The following NUDT3 variants were observed in gnomAD, a reference collection of about 807,000 sequenced individuals.
The protein encoded by NUDT3 is nudix hydrolase 3.
NUDT3 carries 9 observed loss-of-function variants against 23.6 expected under a neutral mutation model. The ratio of observed to expected loss-of-function variants is 0.38; its 90% CI spans 0.23 to 0.66. The LOEUF is 0.66. Ranked by LOEUF, NUDT3 falls within the 30% of genes least tolerant of loss-of-function variation. The pLI, the probability that NUDT3 is intolerant of heterozygous loss-of-function variation, is 0.52. For synonymous variants in NUDT3, 86 were observed against 82.6 expected (o/e 1.04, Z -0.22); for missense variants, 172 against 218.5 (o/e 0.79, Z 1.34).
At chr6:34,298,021 T>C (rs901271393) in intron 2 of NUDT3, among the ~76,000 whole-genome samples, 9 of 151,908 alleles carry the variant, frequency 5.9e-5, no homozygotes, top group African/African-American at 2.2e-4. Flanking sequence ...TCCAAACTTT[T>C]AGGGCACAAA....
chr6:34,334,157 G>A (rs1317779528), intron 2 of NUDT3, among the ~76,000 whole-genome samples: 1 of 152,234 alleles, frequency 6.6e-6, no homozygotes, highest in Non-Finnish European at 1.5e-5. Context: ...TGGCTGGGCA[G>A]TTGCTGTGAC....
intron 2 of NUDT3, among the ~76,000 whole-genome samples, chr6:34,304,405 AG>A (rs1561900996): frequency 8.8e-6 from 1 of 113,174 alleles, no homozygotes; most frequent in Non-Finnish European, 2.0e-5. Flanking sequence ...TATCGAAAGA[AG>A]GAAAGGAAAG....
Position 34,283,090 on chromosome 6 carries a change from C to T in NUDT3, c.*5663G>A, listed in dbSNP as rs971410891. 3 of 151,964 alleles carry T rather than the reference C, an allele frequency of 2.0e-5. No individual in the cohort carries two copies. The highest frequency in any genetic ancestry group is 4.4e-5 in the Non-Finnish European group (3 of 68,008). The allele number at this position is 151,964 out of a possible 1,614,324, so 9.4% of individuals were successfully genotyped here. ...TATAAACAAAGCTTCAGGGAAGAGA[C>T]ATAACCTTACTTCAAAAGCTTCAGG... On this transcript the variant is annotated 3_prime_UTR_variant, in exon 5 of 5. Transcript: ENST00000607016.
At position 34,326,952 on chromosome 6, in the gene NUDT3, G is replaced by C. The variant is rs113667558; in HGVS notation, c.210+14910C>G. On this transcript the variant is annotated intron_variant, in intron 2 of 4. Coordinates refer to ENST00000607016, the MANE Select transcript of NUDT3 (RefSeq NM_006703.4). ...CGTGTGTGGAGACGAGAGAGAGATCGTACGAAATAAAGACACAGGACAAAG... is the reference window on the plus strand; with the variant it reads ...CGTGTGTGGAGACGAGAGAGAGATCCTACGAAATAAAGACACAGGACAAAG... 8.8e-3 allele frequency among the ~76,000 whole-genome samples: 1,337 copies of C among 152,040 alleles called. 18 individuals are homozygous for C. Among genetic ancestry groups the C allele is most frequent in the African/African-American group, 0.027 (1,122 of 41,406 alleles).
chr6:34,303,670 T>C (rs1763633567), intron 2 of NUDT3, among the ~76,000 whole-genome samples: 1 of 152,232 alleles, frequency 6.6e-6, no homozygotes, highest in Non-Finnish European at 1.5e-5. Flanking sequence ...ATGCTGAATT[T>C]TAATAAATTT....
intron 1 of NUDT3, among the ~76,000 whole-genome samples, chr6:34,371,866 G>C (rs952227575): frequency 2.0e-5 from 3 of 152,062 alleles, no homozygotes; most frequent in African/African-American, 7.2e-5. Context: ...ATTTACATTA[G>C]GTATATCTCC....
At chr6:34,357,456 T>C (rs1192000529) in intron 1 of NUDT3, among the ~76,000 whole-genome samples, 1 of 151,742 alleles carries the variant, frequency 6.6e-6, no homozygotes, top group Non-Finnish European at 1.5e-5. Context: ...TTCTAAAAAC[T>C]AAAAAATTAG....
At chr6:34,318,438 T>C (rs1198651095) in intron 2 of NUDT3, among the ~76,000 whole-genome samples, 1 of 152,220 alleles carries the variant, frequency 6.6e-6, no homozygotes, top group Non-Finnish European at 1.5e-5. Flanking sequence ...TTTACATATA[T>C]ATGAACACAC....
Position 34,392,429 on chromosome 6 carries a change from C to G in NUDT3, c.-67G>C, listed in dbSNP as rs1310172244. 8.1e-7 allele frequency: 1 copy of G among 1,232,012 alleles called. No homozygotes were observed. The highest frequency in any genetic ancestry group is 2.7e-5 in the East Asian group (1 of 36,684). The allele number at this position is 1,232,012 out of a possible 1,614,324, so 76.3% of individuals were successfully genotyped here. ...CGAGGGGTGGGGAGCCCGCTCTGGA[C>G]GGCCGCGTGCGCGCGCGCCCCCGGC... On this transcript the variant is annotated 5_prime_UTR_variant, in exon 1 of 5. Coordinates refer to ENST00000607016, the MANE Select transcript of NUDT3 (RefSeq NM_006703.4).
intron 2 of NUDT3, among the ~76,000 whole-genome samples, chr6:34,317,623 T>C (rs1561904986): frequency 6.6e-6 from 1 of 152,160 alleles, no homozygotes; most frequent in Non-Finnish European, 1.5e-5. Flanking sequence ...GACAACATGG[T>C]ACATGGCTGT....
chr6:34,376,576 C>G (rs930935943), intron 1 of NUDT3, among the ~76,000 whole-genome samples: 1 of 152,182 alleles, frequency 6.6e-6, no homozygotes, highest in Non-Finnish European at 1.5e-5. Context: ...CATGCATGGT[C>G]TCCTTTATCT....
chr6:34,293,480 A>T lies in NUDT3; in HGVS notation c.311T>A (p.Leu104Gln), dbSNP rs1315270632. 1 of 1,614,098 alleles carries T rather than the reference A, an allele frequency of 6.2e-7. No individual in the cohort carries two copies. Among genetic ancestry groups the T allele is most frequent in the African/African-American group, 1.3e-5 (1 of 74,932 alleles). ...YVYVLIVTEV[L>Q]EDWEDSVNIG... ...GTTAACTGAATCTTCCCAGTCTTCC[A>T]GCACTTCAGTGACAATGAGCACATA... Residue 104 changes from leucine (L) to glutamine (Q), a missense_variant, in exon 4 of 5, where the codon CTG becomes CAG. Leu to Gln is a moderately radical substitution (Grantham distance 113). This residue lies in a region of NUDT3 where 59 missense variants were observed against 107.4 expected (regional missense o/e 0.55). Transcript: ENST00000607016.
In NUDT3 at chr6:34,351,215, A is replaced by AAAAAAAAAAAAAC. The variant is rs1561915121; in HGVS notation, c.100-9244_100-9243insGTTTTTTTTTTTT. Among the ~76,000 whole-genome samples, 13 of 136,870 alleles carry AAAAAAAAAAAAAC rather than the reference A, an allele frequency of 9.5e-5. 1 individual carries two copies. Among genetic ancestry groups the AAAAAAAAAAAAAC allele is most frequent in the African/African-American group, 3.6e-4 (13 of 35,944 alleles). The allele number at this position is 136,870 out of a possible 152,430, so 89.8% of individuals were successfully genotyped here. The stretch of plus-strand genomic sequence containing the variant: ...CCCCTGCCTAAAAAAAAAAAAAAAA[A>AAAAAAAAAAAAAC]AAAAAAAAAAACACTTTGGGAGGCC... On this transcript the variant is annotated intron_variant, in intron 1 of 4. Coordinates refer to ENST00000607016, the MANE Select transcript of NUDT3 (RefSeq NM_006703.4).
intron 1 of NUDT3, among the ~76,000 whole-genome samples, chr6:34,358,476 A>G (rs1169903253): frequency 2.0e-5 from 3 of 152,124 alleles, no homozygotes; most frequent in East Asian, 1.9e-4. Context: ...TACTGTTATA[A>G]TGGGTTCCTA....
chr6:34,290,277 G>A (rs1353229766), intron 4 of NUDT3, among the ~76,000 whole-genome samples: 2 of 149,992 alleles, frequency 1.3e-5, no homozygotes, highest in African/African-American at 2.5e-5. Context: ...GGATCTCACA[G>A]GCTGGATTGC....
chr6:34,340,552 A>G (rs1435935375), intron 2 of NUDT3, among the ~76,000 whole-genome samples: 2 of 152,172 alleles, frequency 1.3e-5, no homozygotes, highest in Non-Finnish European at 2.9e-5. Flanking sequence ...TCTTTTCATT[A>G]CACCCTCTCT....
chr6:34,300,275 G>A (rs1325193566), intron 2 of NUDT3, among the ~76,000 whole-genome samples: 4 of 152,270 alleles, frequency 2.6e-5, no homozygotes, highest in East Asian at 1.9e-4. Context: ...CAAGTGGACC[G>A]TCATCTTCTG....
At chr6:34,381,108 C>T (rs1765009471) in intron 1 of NUDT3, among the ~76,000 whole-genome samples, 1 of 152,156 alleles carries the variant, frequency 6.6e-6, no homozygotes, top group Admixed American at 6.6e-5. Context: ...CCTTGACCTC[C>T]CACGCTCCAG....
chr6:34,306,038 T>C (rs940061408), intron 2 of NUDT3, among the ~76,000 whole-genome samples: 3 of 152,226 alleles, frequency 2.0e-5, no homozygotes, highest in Non-Finnish European at 4.4e-5. Flanking sequence ...TGCTCAATCT[T>C]GTTAATGGTG....
Sources: allele counts gnomAD v4.1 joint callset (sites outside exome capture counted in the v4.1 genomes callset), GRCh38; gene constraint gnomAD v4.1.1; regional missense constraint gnomAD v4.1.1; transcripts MANE v1.5; gene names NCBI Gene and HGNC (gene_info 2026-07-23, HGNC 2026-07-21).